ACSM3: variants seen among roughly 807,000 people sequenced by gnomAD.
ACSM3 encodes acyl-coenzyme A synthetase ACSM3, mitochondrial.
ACSM3 carries 61 observed loss-of-function variants against 74.1 expected under a neutral mutation model. The observed-to-expected ratio is 0.82, with a 90% CI of 0.67 to 1.02. The LOEUF is 1.02. Among genes scored for constraint, ACSM3 ranks in the 50% least tolerant of loss-of-function variants. The probability of loss-of-function intolerance (pLI) is 0.00; values close to 1 mark genes in which losing one functional copy is unlikely to be tolerated. For missense variants in ACSM3, 660 were observed against 697.0 expected (o/e 0.95, Z 0.60); for synonymous variants, 213 against 241.5 (o/e 0.88, Z 1.09).
chr16:20,729,133 T>C, intron 1 of ACSM3: 1 of 529,042 alleles, frequency 1.9e-6, no homozygotes, highest in Non-Finnish European at 3.5e-6. Flanking sequence ...TAATTTCCTT[T>C]AGAAGTACAA....
At chr16:20,770,289 A>C in intron 2 of ACSM3, 36 bp downstream of exon 2, 2,071 of 1,521,372 alleles carry the variant, frequency 1.4e-3, no homozygotes, top group Non-Finnish European at 1.7e-3. Flanking sequence ...ACAATTTCTC[A>C]ACTGGGAGTG....
intron 1 of ACSM3, among the ~76,000 whole-genome samples, chr16:20,712,740 T>TAA (rs200467690): frequency 7.2e-6 from 1 of 139,786 alleles, no homozygotes; most frequent in African/African-American, 2.7e-5. Context: ...AACCTGTCTC[T>TAA]AAAAAAAAAA....
chr16:20,715,755 A>C (rs1456916150), intron 1 of ACSM3, among the ~76,000 whole-genome samples: 1 of 152,180 alleles, frequency 6.6e-6, no homozygotes, highest in Non-Finnish European at 1.5e-5. Context: ...AGTTTCAAAA[A>C]TCCTTAGATA....
intron 1 of ACSM3, among the ~76,000 whole-genome samples, chr16:20,685,853 A>AAAC (rs2079545247): frequency 6.8e-6 from 1 of 147,046 alleles, no homozygotes; most frequent in Non-Finnish European, 1.5e-5. Context: ...AAAACAAAAA[A>AAAC]CTTATAGCAT....
chr16:20,723,633 A>G (rs2079794091), intron 1 of ACSM3, among the ~76,000 whole-genome samples: 1 of 152,208 alleles, frequency 6.6e-6, no homozygotes, highest in African/African-American at 2.4e-5. Context: ...TCTGATGGCC[A>G]GTGATGATGA....
intron 1 of ACSM3, among the ~76,000 whole-genome samples, chr16:20,675,768 G>T (rs1351277540): frequency 6.6e-6 from 1 of 152,174 alleles, no homozygotes; most frequent in African/African-American, 2.4e-5. Context: ...TTCAGACCTA[G>T]TCTTTATATT....
chr16:20,740,600 C>G (rs923245953), intron 1 of ACSM3, among the ~76,000 whole-genome samples: 6 of 152,174 alleles, frequency 3.9e-5, no homozygotes, highest in Admixed American at 1.3e-4. Context: ...TCTTTTTTAT[C>G]TAGCTCAGCA....
chr16:20,780,416 G>A (rs1417650867), intron 4 of ACSM3: 2 of 550,458 alleles, frequency 3.6e-6, no homozygotes, highest in Admixed American at 6.5e-5. Flanking sequence ...TACTCTGCTG[G>A]AGGTATGATA....
At chr16:20,738,795 A>T in intron 1 of ACSM3, 2 of 1,349,806 alleles carry the variant, frequency 1.5e-6, no homozygotes, top group Non-Finnish European at 2.1e-6. Flanking sequence ...CAAATGATTA[A>T]CTGAGTCATG....
At chr16:20,723,670 C>T (rs1403851400) in intron 1 of ACSM3, among the ~76,000 whole-genome samples, 1 of 152,294 alleles carries the variant, frequency 6.6e-6, no homozygotes, top group East Asian at 1.9e-4. Context: ...TTTTTGGCTG[C>T]ATAAATGTCT....
At chr16:20,774,561 A>AG (rs762557749) in intron 2 of ACSM3, among the ~76,000 whole-genome samples, 5 of 152,318 alleles carry the variant, frequency 3.3e-5, no homozygotes, top group South Asian at 4.1e-4. Flanking sequence ...GTATCTTTAC[A>AG]GGTGAAGTGA....
chr16:20,690,935 A>T, intron 1 of ACSM3: 1 of 1,522,162 alleles, frequency 6.6e-7, no homozygotes, highest in Non-Finnish European at 8.9e-7. Flanking sequence ...GCCTAGTAGG[A>T]GCAAGATAAG....
chr16:20,727,196 A>C (rs1399137682), intron 1 of ACSM3: 1 of 356,358 alleles, frequency 2.8e-6, no homozygotes, highest in African/African-American at 2.2e-5. Flanking sequence ...ACAATACAGT[A>C]GGTGTTCAAC....
rs1475075727 is a variant in ACSM3 at position 20,770,187 on chromosome 16, A to T, written c.153A>T (p.Lys51Asn). The change falls in exon 2 of 14, where the codon AAA becomes AAT. Residue 51 changes from lysine (K) to asparagine (N), a missense_variant. Transcript: ENST00000289416. The stretch of plus-strand genomic sequence containing the variant: ...ATGAATCCATGAAACAGGACTTCAA[A>T]CTGGGGATTCCAGAGTATTTCAACT... Reference protein sequence around the residue: ...SNYESMKQDFKLGIPEYFNFA... With the variant: ...SNYESMKQDFNLGIPEYFNFA... 1.2e-6 allele frequency: 2 copies of T among 1,614,100 alleles called. No individual in the cohort carries two copies. The highest frequency in any genetic ancestry group is 8.5e-7 in the Non-Finnish European group (1 of 1,180,040).
At chr16:20,739,317 A>G (rs976657437) in intron 1 of ACSM3, among the ~76,000 whole-genome samples, 1 of 151,844 alleles carries the variant, frequency 6.6e-6, no homozygotes, top group Non-Finnish European at 1.5e-5. Context: ...CTGTGATTAC[A>G]GGCGCATGCC....
In ACSM3 at chr16:20,792,315, C is replaced by A. The variant is rs772629007; in HGVS notation, c.1534C>A (p.Pro512Thr). The A allele has an allele frequency of 6.2e-7, 1 of 1,613,854 alleles. No individual in the cohort carries two copies. The highest frequency in any genetic ancestry group is 8.5e-7 in the Non-Finnish European group (1 of 1,179,924). The change falls in exon 12 of 14, where the codon CCA becomes ACA. Residue 512 changes from proline (P) to threonine (T), a missense_variant. Pro to Thr is a conservative substitution (Grantham distance 38, BLOSUM62 -1). Coordinates refer to ENST00000289416, the MANE Select transcript of ACSM3 (RefSeq NM_005622.4). Reference sequence around the variant, plus strand: ...TGCAGAGTCAGCTGTTGTCAGCAGCCCAGACCCCATCAGAGGAGAGGTAAA... The same window carrying A: ...TGCAGAGTCAGCTGTTGTCAGCAGCACAGACCCCATCAGAGGAGAGGTAAA... ...SVAESAVVSS[P>T]DPIRGEVVKA...
intron 12 of ACSM3, among the ~76,000 whole-genome samples, chr16:20,795,366 G>A (rs932703179): frequency 1.3e-5 from 2 of 152,144 alleles, no homozygotes; most frequent in African/African-American, 4.8e-5. Context: ...TTCATACAAT[G>A]TAAAACTGCC....
chr16:20,785,190 A>T, intron 8 of ACSM3, 83 bp downstream of exon 8: 4 of 1,534,430 alleles, frequency 2.6e-6, no homozygotes, highest in African/African-American at 1.4e-5. Context: ...TCTCCTTATG[A>T]TTATTTGAGG....
intron 1 of ACSM3, among the ~76,000 whole-genome samples, chr16:20,709,234 G>C (rs757055245): frequency 1.3e-5 from 2 of 152,130 alleles, no homozygotes; most frequent in East Asian, 1.9e-4. Context: ...CCTGGGCACA[G>C]AGCGAGACAC....
Sources: allele counts gnomAD v4.1 joint callset (sites outside exome capture counted in the v4.1 genomes callset), GRCh38; gene constraint gnomAD v4.1.1; transcripts MANE v1.5; gene names NCBI Gene and HGNC (gene_info 2026-07-23, HGNC 2026-07-21).